Variants in GUCY1A2 observed in about 807,000 individuals in gnomAD.
GUCY1A2 encodes guanylate cyclase 1 soluble subunit alpha 2, also known as guanylate cyclase soluble subunit alpha-2.
Under a neutral mutation model 63.5 loss-of-function variants are expected in GUCY1A2, and 27 were observed. The observed-to-expected ratio is 0.43, with a 90% CI of 0.31 to 0.59. The LOEUF (loss-of-function observed/expected upper bound fraction) is 0.59, where lower values mean the gene tolerates loss of function less well. GUCY1A2 is among the 20% of genes least tolerant of loss of function. GUCY1A2 has a pLI of 0.11. For synonymous variants in GUCY1A2, 364 were observed against 343.5 expected (o/e 1.06, Z -0.66); for missense variants, 768 against 913.3 (o/e 0.84, Z 2.05).
intron 1 of GUCY1A2, among the ~76,000 whole-genome samples, chr11:107,001,912 G>A (rs1032844688): frequency 4.0e-5 from 6 of 151,718 alleles, no homozygotes; most frequent in Non-Finnish European, 2.9e-5. Flanking sequence ...CCAGCTACTC[G>A]GGAGGCTGAG....
chr11:106,919,131 G>A (rs1262888575), intron 4 of GUCY1A2, among the ~76,000 whole-genome samples: 1 of 151,990 alleles, frequency 6.6e-6, no homozygotes, highest in Non-Finnish European at 1.5e-5. Context: ...TCAAATCACC[G>A]GACAAAAAAC....
intron 4 of GUCY1A2, among the ~76,000 whole-genome samples, chr11:106,928,391 T>C (rs1451949737): frequency 1.3e-5 from 2 of 152,136 alleles, no homozygotes; most frequent in African/African-American, 4.8e-5. Flanking sequence ...AATATAATTC[T>C]TGACCTCTCC....
chr11:106,965,196 A>G (rs1268645286), intron 3 of GUCY1A2, among the ~76,000 whole-genome samples: 1 of 152,108 alleles, frequency 6.6e-6, no homozygotes, highest in East Asian at 1.9e-4. Context: ...CCTTTCCTGT[A>G]GTTTAAAAAA....
At chr11:106,762,568 T>G (rs930136667) in intron 6 of GUCY1A2, among the ~76,000 whole-genome samples, 1 of 152,150 alleles carries the variant, frequency 6.6e-6, no homozygotes, top group Non-Finnish European at 1.5e-5. Flanking sequence ...AGAATTATTA[T>G]GAAGAAAATT....
intron 6 of GUCY1A2, among the ~76,000 whole-genome samples, chr11:106,752,807 C>T (rs1386509851): frequency 6.6e-6 from 1 of 152,104 alleles, no homozygotes. Context: ...GTGAACAGTG[C>T]CACAATAAAC....
intron 4 of GUCY1A2, among the ~76,000 whole-genome samples, chr11:106,836,085 C>A (rs1274420784): frequency 1.3e-5 from 2 of 151,690 alleles, no homozygotes; most frequent in East Asian, 1.9e-4. Context: ...GTTTTATAAA[C>A]CATATAGAGA....
At chr11:106,972,888 AC>A (rs1591349642) in intron 3 of GUCY1A2, among the ~76,000 whole-genome samples, 1 of 152,076 alleles carries the variant, frequency 6.6e-6, no homozygotes, top group East Asian at 1.9e-4. Flanking sequence ...ACACTTCTAA[AC>A]AAAAGAAGCC....
At chr11:106,810,585 C>A in intron 4 of GUCY1A2, 107 bp from the exon 5 acceptor site, 1 of 849,472 alleles carries the variant, frequency 1.2e-6, no homozygotes, top group Non-Finnish European at 1.8e-6. Context: ...ATTAGCAATA[C>A]TGAGTTACTG....
intron 3 of GUCY1A2, among the ~76,000 whole-genome samples, chr11:106,973,511 A>C (rs1168438398): frequency 6.6e-6 from 1 of 152,140 alleles, no homozygotes; most frequent in Admixed American, 6.6e-5. Flanking sequence ...AAGTATCCCA[A>C]GTACATTTGA....
chr11:106,832,232 T>A (rs1164446343), intron 4 of GUCY1A2, among the ~76,000 whole-genome samples: 1 of 152,162 alleles, frequency 6.6e-6, no homozygotes, highest in Non-Finnish European at 1.5e-5. Context: ...TTTTAAAGCC[T>A]TTCAAGTATT....
At chr11:106,764,629 T>G (rs1864126712) in intron 6 of GUCY1A2, among the ~76,000 whole-genome samples, 1 of 151,992 alleles carries the variant, frequency 6.6e-6, no homozygotes, top group Admixed American at 6.6e-5. Context: ...TACAGGTGTA[T>G]GTGTATATGC....
chr11:106,800,753 G>A (rs1864860776), intron 5 of GUCY1A2, among the ~76,000 whole-genome samples: 1 of 152,064 alleles, frequency 6.6e-6, no homozygotes, highest in East Asian at 1.9e-4. Flanking sequence ...TAGGGGGAAG[G>A]GGGAGGGATA....
chr11:106,952,930 G>A (rs1287765287), intron 3 of GUCY1A2, among the ~76,000 whole-genome samples: 4 of 151,982 alleles, frequency 2.6e-5, no homozygotes, highest in East Asian at 3.9e-4. Flanking sequence ...ATGAGTCACC[G>A]CACCCAGCCA....
In GUCY1A2 at chr11:106,680,813, T is replaced by A. The variant is rs1405655841; in HGVS notation, c.*6736A>T. ...CGAACACACCCACCATTCAAATGGG[T>A]TCATATTCATGTTTAGGGGATTGTT... is the stretch of plus-strand genomic sequence containing the variant. On this transcript the variant is annotated 3_prime_UTR_variant, in exon 8 of 8. Coordinates refer to ENST00000526355, the MANE Select transcript of GUCY1A2 (RefSeq NM_000855.3). 3 of 207,776 alleles carry A rather than the reference T, an allele frequency of 1.4e-5. No homozygotes were observed. The highest frequency in any genetic ancestry group is 4.6e-5 in the African/African-American group (2 of 43,896). The allele number at this position is 207,776 out of a possible 1,614,324, so 12.9% of individuals were successfully genotyped here. A position where few individuals can be genotyped will look rare whatever the true frequency, so the allele number is the denominator to read the frequency against.
chr11:106,850,523 C>A (rs1206515286), intron 4 of GUCY1A2, among the ~76,000 whole-genome samples: 1 of 151,800 alleles, frequency 6.6e-6, no homozygotes, highest in Non-Finnish European at 1.5e-5. Flanking sequence ...CTCTTCCCAA[C>A]CTCACCCACA....
intron 5 of GUCY1A2, among the ~76,000 whole-genome samples, chr11:106,784,971 C>T (rs751901332): frequency 6.6e-6 from 1 of 152,140 alleles, no homozygotes; most frequent in South Asian, 2.1e-4. Context: ...CTGGCATTGT[C>T]ATTAACCTAC....
At chr11:106,865,060 G>C (rs1211141457) in intron 4 of GUCY1A2, among the ~76,000 whole-genome samples, 2 of 151,986 alleles carry the variant, frequency 1.3e-5, no homozygotes, top group Non-Finnish European at 2.9e-5. Flanking sequence ...ACTAATTACT[G>C]CCTCAATTTC....
At chr11:106,693,836 A>G (rs1310418724) in intron 7 of GUCY1A2, among the ~76,000 whole-genome samples, 1 of 152,028 alleles carries the variant, frequency 6.6e-6, no homozygotes, top group African/African-American at 2.4e-5. Flanking sequence ...CTATGAGAAT[A>G]TTAATCATCT....
intron 4 of GUCY1A2, among the ~76,000 whole-genome samples, chr11:106,899,527 A>G (rs1944202): frequency 0.99 from 150,321 of 152,338 alleles, 74,175 homozygotes; most frequent in East Asian, 1. Context: ...TCTACATAAT[A>G]TCAGAACAAC....
Sources: allele counts gnomAD v4.1 joint callset (sites outside exome capture counted in the v4.1 genomes callset), GRCh38; gene constraint gnomAD v4.1.1; transcripts MANE v1.5; gene names NCBI Gene and HGNC (gene_info 2026-07-23, HGNC 2026-07-21).